The following NEDD4L variants were observed in gnomAD, a reference collection of about 807,000 sequenced individuals.
NEDD4L encodes the protein NEDD4 like E3 ubiquitin protein ligase.
NEDD4L carries 54 observed loss-of-function variants against 148.9 expected under a neutral mutation model. The observed-to-expected ratio is 0.36, with a 90% CI of 0.29 to 0.45. The LOEUF (loss-of-function observed/expected upper bound fraction) is 0.45, where lower values mean the gene tolerates loss of function less well. NEDD4L is among the 20% of genes least tolerant of loss of function. The pLI, the probability that NEDD4L is intolerant of heterozygous loss-of-function variation, is 1.00. For synonymous variants in NEDD4L, 433 were observed against 440.7 expected (o/e 0.98, Z 0.22); for missense variants, 856 against 1,233.8 (o/e 0.69, Z 4.59).
Position 58,396,713 on chromosome 18 carries a change from A to ATTTTTTT in NEDD4L, c.*452_*458dup, listed in dbSNP as rs11433892. On this transcript the variant is annotated 3_prime_UTR_variant, in exon 31 of 31. Coordinates refer to ENST00000400345, the MANE Select transcript of NEDD4L (RefSeq NM_001144967.3). ...GTCTCATGTACTTGGAAAAGTGAGC[A>ATTTTTTT]TTTTTTTTTTTTTTGTATTTCACTT... 1.4e-5 allele frequency: 2 copies of ATTTTTTT among 143,712 alleles called. No homozygotes were observed. Among genetic ancestry groups the ATTTTTTT allele is most frequent in the Non-Finnish European group, 1.5e-5 (1 of 66,050 alleles). 8.9% of individuals were successfully genotyped at this position (143,712 alleles called of 1,614,324 possible).
At position 58,100,109 on chromosome 18, in the gene NEDD4L, G is replaced by A. The variant is rs186404256; in HGVS notation, c.48+55401G>A. ...AAGCATGCTGGGATGATGCATCCTC[G>A]GGCTCGGTAAAGGAAGCACAGGACC... On this transcript the variant is annotated intron_variant, in intron 1 of 30. Coordinates refer to ENST00000400345, the MANE Select transcript of NEDD4L (RefSeq NM_001144967.3). Among the ~76,000 whole-genome samples the A allele has an allele frequency of 2.8e-4, 42 of 152,188 alleles. No homozygotes were observed. The East Asian group carries it at 6.4e-3, about 23-fold the overall frequency.
intron 5 of NEDD4L, among the ~76,000 whole-genome samples, chr18:58,274,886 A>G (rs2051636352): frequency 6.6e-6 from 1 of 152,180 alleles, no homozygotes; most frequent in African/African-American, 2.4e-5. Context: ...AAATGGGTTG[A>G]GTTTCTATAA....
intron 1 of NEDD4L, among the ~76,000 whole-genome samples, chr18:58,049,414 G>A (rs1168970971): frequency 6.6e-6 from 1 of 152,182 alleles, no homozygotes; most frequent in African/African-American, 2.4e-5. Context: ...TGTGCAAAAC[G>A]GTGAGGACAA....
intron 1 of NEDD4L, among the ~76,000 whole-genome samples, chr18:58,150,445 C>T (rs770363169): frequency 1.1e-4 from 16 of 152,178 alleles, no homozygotes; most frequent in Non-Finnish European, 2.2e-4. Flanking sequence ...AGGCTGGTCT[C>T]GAGCTCCCGA....
intron 11 of NEDD4L, among the ~76,000 whole-genome samples, chr18:58,332,218 A>G (rs554347045): frequency 6.6e-6 from 1 of 152,340 alleles, no homozygotes; most frequent in South Asian, 2.1e-4. Context: ...GGAGCTCCTG[A>G]ATTTAATTAT....
chr18:58,349,719 T>C, intron 17 of NEDD4L, 105 bp downstream of exon 17: 2 of 842,826 alleles, frequency 2.4e-6, no homozygotes, highest in Non-Finnish European at 3.9e-6. Flanking sequence ...CCAGGCTTTG[T>C]GGATCTCATT....
At chr18:58,356,366 C>T (rs1273137353) in intron 18 of NEDD4L, among the ~76,000 whole-genome samples, 1 of 151,792 alleles carries the variant, frequency 6.6e-6, no homozygotes, top group Non-Finnish European at 1.5e-5. Context: ...TGTGCCCCAC[C>T]CCCCGTACCT....
intron 1 of NEDD4L, among the ~76,000 whole-genome samples, chr18:58,060,688 C>G (rs957390071): frequency 6.6e-6 from 1 of 152,196 alleles, no homozygotes; most frequent in African/African-American, 2.4e-5. Flanking sequence ...CTATTAAATA[C>G]TTAGTACAGT....
intron 1 of NEDD4L, among the ~76,000 whole-genome samples, chr18:58,140,137 C>T (rs909114893): frequency 2.6e-5 from 4 of 152,098 alleles, no homozygotes; most frequent in African/African-American, 7.2e-5. Context: ...CAATGACATA[C>T]CTATACCTAG....
chr18:58,085,543 C>CA (rs2083717569), intron 1 of NEDD4L, among the ~76,000 whole-genome samples: 1 of 152,146 alleles, frequency 6.6e-6, no homozygotes, highest in Admixed American at 6.5e-5. Context: ...GGAGGCCTTG[C>CA]AAAAGCAAAG....
chr18:58,368,068 A>G (rs2046347413), intron 22 of NEDD4L, among the ~76,000 whole-genome samples: 1 of 152,218 alleles, frequency 6.6e-6, no homozygotes, highest in African/African-American at 2.4e-5. Flanking sequence ...CACAGTTAAA[A>G]ACAAAAGTTT....
intron 1 of NEDD4L, among the ~76,000 whole-genome samples, chr18:58,146,912 T>A (rs960176453): frequency 7.2e-5 from 11 of 152,134 alleles, no homozygotes; most frequent in Admixed American, 4.6e-4. Flanking sequence ...TTGCTGGTGC[T>A]GAGGGGATGT....
chr18:58,336,576 C>CA lies in NEDD4L; in HGVS notation c.1125+1052dup, dbSNP rs879442756. Among the ~76,000 whole-genome samples, 674 of 131,724 alleles carry CA rather than the reference C, an allele frequency of 5.1e-3. 3 individuals carry two copies. The highest frequency in any genetic ancestry group is 0.015 in the African/African-American group (541 of 35,776). 86.4% of individuals were successfully genotyped at this position (131,724 alleles called of 152,430 possible). A position where few individuals can be genotyped will look rare whatever the true frequency, so the allele number is the denominator to read the frequency against. ...TGGGCGACAGAGCGAGACTCCATCT[C>CA]AAAAAAAAAAAAAGAATTTCCTTAT... On this transcript the variant is annotated intron_variant, in intron 13 of 30. Transcript: ENST00000400345.
intron 6 of NEDD4L, among the ~76,000 whole-genome samples, chr18:58,321,508 C>G (rs999436291): frequency 6.6e-6 from 1 of 152,190 alleles, no homozygotes; most frequent in Admixed American, 6.5e-5. Flanking sequence ...AGTTGGTCTT[C>G]TAAGTCATAG....
intron 7 of NEDD4L, among the ~76,000 whole-genome samples, chr18:58,322,894 T>C (rs1445878345): frequency 1.7e-5 from 1 of 58,172 alleles, no homozygotes. Flanking sequence ...TGGGTGTGGG[T>C]GGGTGGGGAT....
intron 5 of NEDD4L, among the ~76,000 whole-genome samples, chr18:58,266,502 C>A (rs1439374246): frequency 6.6e-6 from 1 of 152,226 alleles, no homozygotes; most frequent in Admixed American, 6.5e-5. Flanking sequence ...GGGTTTGTAT[C>A]TCTGTAGAAA....
At chr18:58,347,170 A>G (rs1002753127) in intron 16 of NEDD4L, among the ~76,000 whole-genome samples, 1 of 132,558 alleles carries the variant, frequency 7.5e-6, no homozygotes, top group African/African-American at 3.0e-5. Flanking sequence ...CCTCCCTGAC[A>G]CTTTTCTCTA....
At position 58,385,558 on chromosome 18, in the gene NEDD4L, T is replaced by C; in HGVS notation, c.2459T>C (p.Val820Ala). ...ATCCAGTGGAGATTTGTGAACAGGG[T>C]CCAGAAGCAGATGAACGCCTTCTTG... ...LVIQWRFVNRVQKQMNAFLEG... is the reference protein window; with the variant it reads ...LVIQWRFVNRAQKQMNAFLEG... The change falls in exon 26 of 31, where the codon GTC (valine) becomes GCC (alanine). Residue 820 changes from valine (V) to alanine (A), a missense_variant. Around this residue, in one of 4 missense-constraint regions of NEDD4L, gnomAD observed 286 missense variants for 531.8 expected, o/e 0.54. Transcript: ENST00000400345. 6.2e-7 allele frequency: 1 copy of C among 1,613,888 alleles called. No homozygotes were observed. Among genetic ancestry groups the C allele is most frequent in the Non-Finnish European group, 8.5e-7 (1 of 1,179,808 alleles).
At chr18:58,082,102 A>ATATATATTTTTTTTTTTTTT in intron 1 of NEDD4L, among the ~76,000 whole-genome samples, 13 of 48,832 alleles carry the variant, frequency 2.7e-4, no homozygotes, top group African/African-American at 8.9e-4. Context: ...ATATATATAT[A>ATATATATTTTTTTTTTTTTT]TTTTTTTTTT....
Sources: gnomAD v4.1 joint callset for allele counts (sites outside exome capture counted in the v4.1 genomes callset) on GRCh38, gnomAD v4.1.1 for gene constraint, gnomAD v4.1.1 regional missense constraint, MANE v1.5 for transcripts, NCBI Gene and HGNC (gene_info 2026-07-23, HGNC 2026-07-21) for gene names.